Variants in FAM13B observed in about 807,000 individuals in gnomAD.
FAM13B encodes protein FAM13B.
A neutral mutation model predicts 117.3 loss-of-function variants in FAM13B; 60 were observed. That is an observed-to-expected ratio of 0.51 (90% CI 0.42 to 0.63). The LOEUF (loss-of-function observed/expected upper bound fraction) is 0.63. Among genes scored for constraint, FAM13B ranks in the 30% least tolerant of loss-of-function variants. The pLI, the probability that FAM13B is intolerant of heterozygous loss-of-function variation, is 0.00. For missense variants in FAM13B, 972 were observed against 1,091.9 expected, an observed-to-expected ratio of 0.89 and a Z score of 1.55; for synonymous variants, 332 against 356.1, an observed-to-expected ratio of 0.93 and a Z score of 0.76.
rs1779264130 is a variant in FAM13B at position 137,993,995 on chromosome 5, A to C, written c.849-5680T>G. The stretch of plus-strand genomic sequence containing the variant: ...CCTCCAAAAAGAATAAAGTTTAATA[A>C]AATTTCCAGTTATTCAAAGGAGACA... On this transcript the variant is annotated intron_variant, in intron 7 of 23. Transcript: ENST00000689681. Among the ~76,000 whole-genome samples, 3 of 152,298 alleles carry C rather than the reference A, an allele frequency of 2.0e-5. No homozygotes were observed. In the South Asian group the frequency reaches 6.2e-4, roughly 32 times the overall value.
chr5:137,996,755 C>G (rs757791933), intron 7 of FAM13B, among the ~76,000 whole-genome samples: 1 of 151,896 alleles, frequency 6.6e-6, no homozygotes, highest in Non-Finnish European at 1.5e-5. Context: ...ACATGCTCAG[C>G]TAATTTTTTG....
intron 5 of FAM13B, among the ~76,000 whole-genome samples, chr5:138,011,513 G>A (rs1177000750): frequency 1.3e-5 from 2 of 151,768 alleles, no homozygotes; most frequent in African/African-American, 2.4e-5. Context: ...CCGCCTCCCC[G>A]GGTTCACGCC....
At chr5:138,043,959 C>T (rs28784623) in intron 1 of FAM13B, among the ~76,000 whole-genome samples, 27,427 of 151,890 alleles carry the variant, frequency 0.18, 2,599 homozygotes, top group African/African-American at 0.21. Flanking sequence ...CACTCCATCT[C>T]CCAGGCTGGA....
At chr5:138,018,083 T>C (rs1489403584) in intron 4 of FAM13B, among the ~76,000 whole-genome samples, 1 of 152,200 alleles carries the variant, frequency 6.6e-6, no homozygotes, top group Non-Finnish European at 1.5e-5. Context: ...CCCTGTTTCT[T>C]AGGCTAATAA....
chr5:138,005,972 C>T (rs1227854520), intron 7 of FAM13B, among the ~76,000 whole-genome samples: 1 of 151,378 alleles, frequency 6.6e-6, no homozygotes, highest in Non-Finnish European at 1.5e-5. Flanking sequence ...GATCTCGACT[C>T]ACTGCAAGCT....
intron 10 of FAM13B, among the ~76,000 whole-genome samples, chr5:137,972,411 C>CG (rs1236609982): frequency 1.3e-5 from 2 of 151,966 alleles, no homozygotes; most frequent in African/African-American, 4.8e-5. Flanking sequence ...AATTCAACAA[C>CG]CTTCATGCTA....
chr5:137,983,924 T>C (rs1776512571), intron 10 of FAM13B, among the ~76,000 whole-genome samples: 1 of 152,228 alleles, frequency 6.6e-6, no homozygotes, highest in Non-Finnish European at 1.5e-5. Flanking sequence ...CTTTAGTGGA[T>C]GGTTTAGAAT....
rs1259908183 is a variant in FAM13B at position 137,969,687 on chromosome 5, A to C, written c.1180-7218T>G. On this transcript the variant is annotated intron_variant, in intron 10 of 23. Transcript: ENST00000689681. ...AAGCTACGGGAGGACATTCAAACCA[A>C]AGGCAAAGAAGTTGAAAACTTTGAA... is the stretch of plus-strand genomic sequence containing the variant. Among the ~76,000 whole-genome samples the C allele has an allele frequency of 2.6e-5, 4 of 152,130 alleles. No homozygotes were observed. In the East Asian group the frequency reaches 7.7e-4, roughly 29 times the overall value.
intron 11 of FAM13B, 68 bp from the exon 12 acceptor site, chr5:137,960,282 C>T: frequency 2.2e-6 from 2 of 903,520 alleles, no homozygotes; most frequent in African/African-American, 1.7e-5. Context: ...ATATTTCTTA[C>T]CTAGATTCCT....
At chr5:137,948,664 G>A (rs1375359945) in intron 18 of FAM13B, among the ~76,000 whole-genome samples, 1 of 152,124 alleles carries the variant, frequency 6.6e-6, no homozygotes, top group Non-Finnish European at 1.5e-5. Context: ...GAAATTGCTG[G>A]AATTGAGGCA....
At position 137,956,497 on chromosome 5, in the gene FAM13B, T is replaced by A; in HGVS notation, c.1487A>T (p.His496Leu). The A allele has an allele frequency of 6.2e-7, 1 of 1,601,474 alleles. No individual in the cohort carries two copies. The highest frequency in any genetic ancestry group is 8.5e-7 in the Non-Finnish European group (1 of 1,173,614). ...CTTACCCTCCCCATCTCTCTGCAGA[T>A]GCATTGTTTTGAAATCAATGAGGGG... Reference protein sequence around the residue: ...TFPLIDFKTMHLQRDGEEPFP... With the variant: ...TFPLIDFKTMLLQRDGEEPFP... The change falls in exon 14 of 24, where the codon CAT becomes CTT. Residue 496 changes from histidine to leucine, a missense_variant. Coordinates refer to ENST00000689681, the MANE Select transcript of FAM13B (RefSeq NM_001385994.1).
At chr5:137,962,337 C>A in intron 11 of FAM13B, 68 bp downstream of exon 11, 1 of 1,368,720 alleles carries the variant, frequency 7.3e-7, no homozygotes, top group South Asian at 1.2e-5. Flanking sequence ...CTAAAAAAAT[C>A]ACCTCAAAAA....
At chr5:137,990,236 G>A (rs182059886) in intron 7 of FAM13B, among the ~76,000 whole-genome samples, 37 of 152,084 alleles carry the variant, frequency 2.4e-4, no homozygotes, top group Admixed American at 1.5e-3. Flanking sequence ...CTTGCCTATC[G>A]AGAAATATTC....
At chr5:137,963,762 T>C (rs898718011) in intron 10 of FAM13B, among the ~76,000 whole-genome samples, 3 of 152,170 alleles carry the variant, frequency 2.0e-5, no homozygotes, top group Non-Finnish European at 4.4e-5. Flanking sequence ...CCTCCAGTCA[T>C]ATGAGTGCTG....
intron 23 of FAM13B, among the ~76,000 whole-genome samples, chr5:137,940,994 C>T (rs1437850485): frequency 6.6e-6 from 1 of 152,208 alleles, no homozygotes; most frequent in African/African-American, 2.4e-5. Flanking sequence ...CAAGCTCCGC[C>T]TCCCGGATTC....
At chr5:138,012,217 T>TC (rs1468164815) in intron 4 of FAM13B, among the ~76,000 whole-genome samples, 4 of 2,250 alleles carry the variant, frequency 1.8e-3, no homozygotes, top group South Asian at 0.062. Flanking sequence ...CCCAATTCTC[T>TC]TTTTTTTTTT....
At chr5:137,956,258 T>C (rs1409259968) in intron 14 of FAM13B, among the ~76,000 whole-genome samples, 2 of 152,208 alleles carry the variant, frequency 1.3e-5, no homozygotes, top group Non-Finnish European at 2.9e-5. Context: ...GCAACCCTTG[T>C]ACCTGTGCCC....
upstream of FAM13B, chr5:138,037,373 G>A (rs1357026024): frequency 6.6e-6 from 1 of 151,412 alleles, no homozygotes; most frequent in African/African-American, 2.4e-5. Context: ...AAGGTCATGA[G>A]TCACATCACT....
In FAM13B at chr5:137,949,078, C is replaced by T. The variant is rs766204517; in HGVS notation, c.2037G>A (p.Glu679=). Reference sequence around the variant, plus strand: ...GAATGACCTTGGGTTCATCTTCATTCTCTTCATCTTCATGGTCTAGAGAAG... The same window carrying T: ...GAATGACCTTGGGTTCATCTTCATTTTCTTCATCTTCATGGTCTAGAGAAG... ...FGSSLDHEDE[E]NEDEPKVIQK... is the part of the protein sequence containing the mutation. The change falls in exon 18 of 24, where the codon GAG becomes GAA. Residue 679 remains glutamate, a synonymous_variant. Transcript: ENST00000689681. The T allele has an allele frequency of 2.5e-6, 4 of 1,613,970 alleles. No individual in the cohort carries two copies. The African/African-American group carries it at 5.3e-5, about 22-fold the overall frequency.
Sources: allele counts gnomAD v4.1 joint callset (sites outside exome capture counted in the v4.1 genomes callset), GRCh38; gene constraint gnomAD v4.1.1; transcripts MANE v1.5; gene names NCBI Gene and HGNC (gene_info 2026-07-23, HGNC 2026-07-21).